The following MTMR9 variants were observed in gnomAD, a reference collection of about 807,000 sequenced individuals.
The protein encoded by MTMR9 is myotubularin-related protein 9.
In MTMR9, 39 loss-of-function variants were observed where a neutral mutation model predicts 69.5. The ratio of observed to expected loss-of-function variants is 0.56; its 90% confidence interval spans 0.43 to 0.73. The LOEUF is 0.73. MTMR9 is among the 30% of genes least tolerant of loss of function. The probability of loss-of-function intolerance (pLI) is 0.00; values close to 1 mark genes in which losing one functional copy is unlikely to be tolerated. For synonymous variants in MTMR9, 354 were observed against 240.8 expected (o/e 1.47, Z -4.35); for missense variants, 900 against 671.2 (o/e 1.34, Z -3.77).
At chr8:11,304,568 A>G (rs548085831) in intron 3 of MTMR9, among the ~76,000 whole-genome samples, 10 of 152,342 alleles carry the variant, frequency 6.6e-5, no homozygotes, top group African/African-American at 2.2e-4. Flanking sequence ...GTAAAAACCA[A>G]TAGAGGGAGC....
At chr8:11,294,455 G>A (rs1031491917) in intron 1 of MTMR9, among the ~76,000 whole-genome samples, 1 of 138,754 alleles carries the variant, frequency 7.2e-6, no homozygotes, top group African/African-American at 2.9e-5. Context: ...GGTTTTTCAT[G>A]TTTTTAAATC....
chr8:11,314,909 G>A lies in MTMR9; in HGVS notation c.972-14G>A, dbSNP rs1284212405. On this transcript the variant is annotated splice_polypyrimidine_tract_variant and intron_variant, in intron 6 of 9. Coordinates refer to ENST00000221086, the MANE Select transcript of MTMR9 (RefSeq NM_015458.4). ...ACATTTCCCATTTGTACTCTTCCCT[G>A]ATTTTCCTATCAGGGAAGGAGCATC... is the stretch of plus-strand genomic sequence containing the variant. The A allele has an allele frequency of 6.2e-7, 1 of 1,612,498 alleles. No homozygotes were observed. Among genetic ancestry groups the A allele is most frequent in the African/African-American group, 1.3e-5 (1 of 74,852 alleles).
Position 11,327,813 on chromosome 8 carries a change from T to G in MTMR9, c.*5025T>G, listed in dbSNP as rs963680041. The G allele has an allele frequency of 6.6e-6, 1 of 152,592 alleles. No individual in the cohort carries two copies. Among genetic ancestry groups the G allele is most frequent in the Non-Finnish European group, 1.5e-5 (1 of 68,030 alleles). The allele number at this position is 152,592 out of a possible 1,614,324, so 9.5% of individuals were successfully genotyped here. A position where few individuals can be genotyped will look rare whatever the true frequency, so the allele number is the denominator to read the frequency against. ...CAGGTTTCCATATTGTGAACCTGTG[T>G]ACGCACACACACATATACATACAGT... is the stretch of plus-strand genomic sequence containing the variant. On this transcript the variant is annotated 3_prime_UTR_variant, in exon 10 of 10. Transcript: ENST00000221086.
At chr8:11,288,358 AAT>A (rs1471976190) in intron 1 of MTMR9, among the ~76,000 whole-genome samples, 2 of 141,376 alleles carry the variant, frequency 1.4e-5, no homozygotes, top group South Asian at 2.1e-4. Context: ...ATATATATAT[AAT>A]ATATATATAA....
At chr8:11,302,640 G>T (rs1404242176) in intron 3 of MTMR9, among the ~76,000 whole-genome samples, 1 of 152,092 alleles carries the variant, frequency 6.6e-6, no homozygotes, top group Admixed American at 6.5e-5. Context: ...AGCAAATCTT[G>T]TATCATTCTC....
chr8:11,339,078 G>A, the MTMR9 span, among the ~76,000 whole-genome samples: 2 of 152,208 alleles, frequency 1.3e-5, no homozygotes, highest in Non-Finnish European at 2.9e-5. Context: ...GCAGAGATTA[G>A]CACCATTCTC....
chr8:11,319,744 C>T lies in MTMR9; in HGVS notation c.1392C>T (p.Pro464=). The T allele has an allele frequency of 6.2e-7, 1 of 1,614,138 alleles. No homozygotes were observed. The highest frequency in any genetic ancestry group is 8.5e-7 in the Non-Finnish European group (1 of 1,180,006). ...TMSLWSWVNQ[P]SELSKFTNPL... ...CTTTGTGGTCCTGGGTTAATCAGCCCAGTGAGCTGAGTAAATTCACCAATC... is the reference window on the plus strand; with the variant it reads ...CTTTGTGGTCCTGGGTTAATCAGCCTAGTGAGCTGAGTAAATTCACCAATC... The change falls in exon 9 of 10, where the codon CCC becomes CCT. Residue 464 remains proline, a synonymous_variant. Coordinates refer to ENST00000221086, the MANE Select transcript of MTMR9 (RefSeq NM_015458.4).
intron 3 of MTMR9, among the ~76,000 whole-genome samples, chr8:11,301,987 T>G (rs1416387340): frequency 6.6e-6 from 1 of 152,062 alleles, no homozygotes; most frequent in East Asian, 1.9e-4. Flanking sequence ...CTGGTTATGG[T>G]GGCTCACACC....
intron 1 of MTMR9, among the ~76,000 whole-genome samples, chr8:11,288,557 C>T (rs559176525): frequency 9.2e-5 from 14 of 151,698 alleles, no homozygotes; most frequent in South Asian, 4.1e-4. Flanking sequence ...GAGGGAACAG[C>T]GAATACAAAG....
At chr8:11,313,083 C>G (rs1450993406) in intron 6 of MTMR9, among the ~76,000 whole-genome samples, 1 of 152,202 alleles carries the variant, frequency 6.6e-6, no homozygotes, top group Non-Finnish European at 1.5e-5. Flanking sequence ...CCTTAAGGCC[C>G]CTAGGATTTT....
chr8:11,298,314 C>T (rs3808516), intron 2 of MTMR9, among the ~76,000 whole-genome samples: 8,217 of 152,062 alleles, frequency 0.054, 522 homozygotes, highest in Admixed American at 0.19. Context: ...TTAGGTCAGA[C>T]ATGGACGCTG....
chr8:11,332,263 A>T, downstream of MTMR9: 2 of 1,328,886 alleles, frequency 1.5e-6, no homozygotes, highest in Non-Finnish European at 2.0e-6. Context: ...ATAGCACATT[A>T]TAATATTGAG....
At chr8:11,302,488 C>G (rs1332363999) in intron 3 of MTMR9, among the ~76,000 whole-genome samples, 1 of 151,858 alleles carries the variant, frequency 6.6e-6, no homozygotes, top group Non-Finnish European at 1.5e-5. Flanking sequence ...AGTTAAAAGA[C>G]AAATGACCTG....
chr8:11,313,101 G>T (rs898099867), intron 6 of MTMR9, among the ~76,000 whole-genome samples: 3 of 152,204 alleles, frequency 2.0e-5, no homozygotes, highest in African/African-American at 7.2e-5. Context: ...TTTCAGAATT[G>T]CAAATAATCA....
chr8:11,301,619 A>G (rs1799751860), intron 3 of MTMR9, among the ~76,000 whole-genome samples: 1 of 152,240 alleles, frequency 6.6e-6, no homozygotes, highest in Non-Finnish European at 1.5e-5. Flanking sequence ...ATATGACACC[A>G]AAAGTGACTG....
chr8:11,330,357 G>A (rs180754019), downstream of MTMR9, among the ~76,000 whole-genome samples: 11,824 of 151,642 alleles, frequency 0.078, 613 homozygotes, highest in Middle Eastern at 0.21. Context: ...GCCTCTGCCC[G>A]GCTGCCCCTT....
intron 1 of MTMR9, among the ~76,000 whole-genome samples, chr8:11,290,155 T>C (rs981106489): frequency 1.3e-5 from 2 of 152,234 alleles, no homozygotes; most frequent in Admixed American, 6.5e-5. Context: ...AGTCTGAAGA[T>C]TGTGAAATAG....
chr8:11,338,171 G>C, the MTMR9 span, among the ~76,000 whole-genome samples: 5 of 152,360 alleles, frequency 3.3e-5, no homozygotes, highest in East Asian at 9.6e-4. Flanking sequence ...TTGGAAAAAT[G>C]ATGGTCTTTA....
chr8:11,334,958 T>TA, the MTMR9 span, among the ~76,000 whole-genome samples: 30 of 152,160 alleles, frequency 2.0e-4, no homozygotes, highest in Non-Finnish European at 3.4e-4. Flanking sequence ...AAGAACATCT[T>TA]AAAAAAATTC....
Sources: gnomAD v4.1 joint callset for allele counts (sites outside exome capture counted in the v4.1 genomes callset) on GRCh38, gnomAD v4.1.1 for gene constraint, MANE v1.5 for transcripts, NCBI Gene and HGNC (gene_info 2026-07-23, HGNC 2026-07-21) for gene names.